The following ZEB2 variants were observed in gnomAD, a reference collection of about 807,000 sequenced individuals.
ZEB2 encodes the protein zinc finger E-box-binding homeobox 2.
In ZEB2, 6 loss-of-function variants were observed where a neutral mutation model predicts 99.9. The observed-to-expected ratio is 0.06, with a 90% confidence interval of 0.03 to 0.12. The LOEUF (loss-of-function observed/expected upper bound fraction) is 0.12, where lower values mean the gene tolerates loss of function less well. ZEB2 is among the 10% of genes least tolerant of loss of function. The pLI is 1.00. For missense variants in ZEB2, 969 were observed against 1,502.8 expected, an observed-to-expected ratio of 0.64 and a Z score of 5.87; for synonymous variants, 517 against 542.5, an observed-to-expected ratio of 0.95 and a Z score of 0.65.
rs1703097564 is a variant in ZEB2 at position 144,387,192 on chromosome 2, A to G, written c.*2259T>C. Reference sequence around the variant, plus strand: ...GTTGTTCTTGCCAACTGGAAATATCATACTCAAAATTTTAGCAAATTTAAT... The same window carrying G: ...GTTGTTCTTGCCAACTGGAAATATCGTACTCAAAATTTTAGCAAATTTAAT... On this transcript the variant is annotated 3_prime_UTR_variant, in exon 10 of 10. Coordinates refer to ENST00000627532, the MANE Select transcript of ZEB2 (RefSeq NM_014795.4). 1 of 151,992 alleles carries G rather than the reference A, an allele frequency of 6.6e-6. No individual in the cohort carries two copies. The highest frequency in any genetic ancestry group is 1.5e-5 in the Non-Finnish European group (1 of 67,986). The allele number at this position is 151,992 out of a possible 1,614,324, so 9.4% of individuals were successfully genotyped here. A position where few individuals can be genotyped will look rare whatever the true frequency, so the allele number is the denominator to read the frequency against.
In ZEB2 at chr2:144,385,403, C is replaced by T. The variant is rs1703068158; in HGVS notation, c.*4048G>A. 1 of 151,926 alleles carries T rather than the reference C, an allele frequency of 6.6e-6. No individual in the cohort carries two copies. Among genetic ancestry groups the T allele is most frequent in the Admixed American group, 6.6e-5 (1 of 15,254 alleles). 9.4% of individuals were successfully genotyped at this position (151,926 alleles called of 1,614,324 possible). ...GTGGTTTTCATATATATATTTTTTC[C>T]CCATGTGAATTCTTTGGTGTTTTTT... On this transcript the variant is annotated 3_prime_UTR_variant, in exon 10 of 10. Transcript: ENST00000627532.
chr2:144,515,699 T>C (rs1278586540), intron 2 of ZEB2, among the ~76,000 whole-genome samples: 1 of 151,214 alleles, frequency 6.6e-6, no homozygotes, highest in Non-Finnish European at 1.5e-5. Flanking sequence ...AGTTTCTGAC[T>C]AAAATTCCTC....
Position 144,398,659 on chromosome 2 carries a change from C to G in ZEB2, c.2528G>C (p.Ser843Thr). ...TKNKTKASSISLDHNSVSSSS... is the reference protein window; with the variant it reads ...TKNKTKASSITLDHNSVSSSS... ...GGAAGAAACACTGTTATGATCTAAA[C>G]TGATGCTACTAGCTTTTGTTTTGTT... The change falls in exon 8 of 10, where the codon AGT (serine) becomes ACT (threonine). Residue 843 changes from serine to threonine, a missense_variant. This residue lies in a region of ZEB2 where 346 missense variants were observed against 460.0 expected (regional missense o/e 0.75). Coordinates refer to ENST00000627532, the MANE Select transcript of ZEB2 (RefSeq NM_014795.4). 3 of 1,613,992 alleles carry G rather than the reference C, an allele frequency of 1.9e-6. No individual in the cohort carries two copies. The African/African-American group carries it at 4.0e-5, about 22-fold the overall frequency.
intron 2 of ZEB2, among the ~76,000 whole-genome samples, chr2:144,470,143 C>T (rs1295900742): frequency 6.6e-6 from 1 of 152,188 alleles, no homozygotes; most frequent in Non-Finnish European, 1.5e-5. Flanking sequence ...TAAAATCATA[C>T]ATATATTATC....
intron 2 of ZEB2, among the ~76,000 whole-genome samples, chr2:144,446,349 C>T (rs1361232685): frequency 2.0e-5 from 3 of 152,014 alleles, no homozygotes; most frequent in Non-Finnish European, 4.4e-5. Flanking sequence ...TTTCTCCCTC[C>T]CTTCCTTGCT....
chr2:144,392,899 T>C (rs1302616456), intron 9 of ZEB2, among the ~76,000 whole-genome samples: 2 of 152,114 alleles, frequency 1.3e-5, no homozygotes, highest in Non-Finnish European at 2.9e-5. Flanking sequence ...TAATAATAAA[T>C]GAAAGGTTTG....
chr2:144,509,165 A>C (rs1414119560), intron 2 of ZEB2, among the ~76,000 whole-genome samples: 1 of 152,204 alleles, frequency 6.6e-6, no homozygotes, highest in Non-Finnish European at 1.5e-5. Flanking sequence ...TGCTGAGCGC[A>C]AGGGGCCAGG....
chr2:144,502,297 C>T (rs1161972186), intron 2 of ZEB2, among the ~76,000 whole-genome samples: 2 of 152,052 alleles, frequency 1.3e-5, no homozygotes, highest in East Asian at 3.9e-4. Flanking sequence ...ATTATAGCCT[C>T]TTTACATAAT....
At chr2:144,490,154 G>A (rs1704655676) in intron 2 of ZEB2, among the ~76,000 whole-genome samples, 1 of 152,160 alleles carries the variant, frequency 6.6e-6, no homozygotes, top group Non-Finnish European at 1.5e-5. Context: ...GCAATGCAAT[G>A]GTAAGAGCAT....
chr2:144,405,689 T>C (rs980975261), intron 4 of ZEB2, among the ~76,000 whole-genome samples: 1 of 151,788 alleles, frequency 6.6e-6, no homozygotes, highest in African/African-American at 2.4e-5. Flanking sequence ...TTAAAGCTGC[T>C]GAAAATAAAA....
At position 144,399,884 on chromosome 2, in the gene ZEB2, G is replaced by A; in HGVS notation, c.1303C>T (p.Pro435Ser). The change falls in exon 8 of 10, where the codon CCA becomes TCA. Residue 435 changes from proline (P) to serine (S), a missense_variant. Around this residue, in one of 8 missense-constraint regions of ZEB2, gnomAD observed 227 missense variants for 278.2 expected, o/e 0.82. Coordinates refer to ENST00000627532, the MANE Select transcript of ZEB2 (RefSeq NM_014795.4). The surrounding 1 kb of genome is among the most constrained non-coding windows in gnomAD (Gnocchi z 5.6). The stretch of plus-strand genomic sequence containing the variant: ...ATCCCTACACCTAAGTGCTGCATTG[G>A]ACTCTGAGCAGATGGATGAACTCCT... ...PLGVHPSAQS[P>S]MQHLGVGMEA... The A allele has an allele frequency of 2.5e-6, 4 of 1,614,160 alleles. No homozygotes were observed. Among genetic ancestry groups the A allele is most frequent in the East Asian group, 4.5e-5 (2 of 44,886 alleles).
intron 4 of ZEB2, among the ~76,000 whole-genome samples, chr2:144,417,188 TA>T (rs1703551800): frequency 1.3e-5 from 2 of 152,212 alleles, no homozygotes; most frequent in Admixed American, 1.3e-4. Context: ...CTAATGAGGC[TA>T]TAATTATTTA....
chr2:144,505,380 CAA>C (rs1481746487), intron 2 of ZEB2, among the ~76,000 whole-genome samples: 1 of 152,074 alleles, frequency 6.6e-6, no homozygotes, highest in Non-Finnish European at 1.5e-5. Flanking sequence ...TTCAAGTTGG[CAA>C]AAGTTTAGAA....
intron 4 of ZEB2, chr2:144,424,442 G>A (rs1334607309): frequency 1.9e-6 from 1 of 532,000 alleles, no homozygotes; most frequent in Non-Finnish European, 3.7e-6. Flanking sequence ...ATATCAAGTG[G>A]TGGCTAGCAG....
rs1233483037 is a variant in ZEB2, at chr2:144,384,324, C to A, written c.*5127G>T. On this transcript the variant is annotated 3_prime_UTR_variant, in exon 10 of 10. Coordinates refer to ENST00000627532, the MANE Select transcript of ZEB2 (RefSeq NM_014795.4). ...ATCATATTATCTCGGTGCCATTTCT[C>A]TGACTAATTCCACATTTCAGATACA... 1 of 151,992 alleles carries A rather than the reference C, an allele frequency of 6.6e-6. No homozygotes were observed. Among genetic ancestry groups the A allele is most frequent in the Non-Finnish European group, 1.5e-5 (1 of 67,990 alleles). The allele number at this position is 151,992 out of a possible 1,614,324, so 9.4% of individuals were successfully genotyped here.
At chr2:144,421,488 G>C (rs1013467029) in intron 4 of ZEB2, among the ~76,000 whole-genome samples, 1 of 152,208 alleles carries the variant, frequency 6.6e-6, no homozygotes, top group Non-Finnish European at 1.5e-5. Flanking sequence ...TCAAAGGGCA[G>C]AGTTGTAAGC....
chr2:144,486,549 T>C (rs1704600393), intron 2 of ZEB2, among the ~76,000 whole-genome samples: 1 of 152,146 alleles, frequency 6.6e-6, no homozygotes, highest in African/African-American at 2.4e-5. Context: ...CGAAAACAAT[T>C]ATGGAAATGA....
intron 4 of ZEB2, among the ~76,000 whole-genome samples, chr2:144,418,984 G>A (rs1436021520): frequency 6.6e-6 from 1 of 151,788 alleles, no homozygotes; most frequent in Non-Finnish European, 1.5e-5. Flanking sequence ...AAAAAAGAAA[G>A]AAAATAAAAA....
At chr2:144,480,459 C>A (rs920056668) in intron 2 of ZEB2, among the ~76,000 whole-genome samples, 1 of 152,078 alleles carries the variant, frequency 6.6e-6, no homozygotes, top group Non-Finnish European at 1.5e-5. Context: ...GCATAGCAAC[C>A]CAAGTTAGGA....
Sources: gnomAD v4.1 joint callset for allele counts (sites outside exome capture counted in the v4.1 genomes callset) on GRCh38, gnomAD v4.1.1 for gene constraint, gnomAD v4.1.1 regional missense constraint, Gnocchi (gnomAD v3.1) non-coding constraint, MANE v1.5 for transcripts, NCBI Gene and HGNC (gene_info 2026-07-23, HGNC 2026-07-21) for gene names.